The following TANC2 variants were observed in gnomAD, a reference collection of about 807,000 sequenced individuals.
TANC2 encodes the protein tetratricopeptide repeat, ankyrin repeat and coiled-coil containing 2.
TANC2 carries 26 observed loss-of-function variants against 210.5 expected under a neutral mutation model. The ratio of observed to expected loss-of-function variants is 0.12; its 90% CI spans 0.09 to 0.17. The LOEUF (loss-of-function observed/expected upper bound fraction) is 0.17. TANC2 is among the 10% of genes least tolerant of loss of function. TANC2 has a pLI of 1.00. For missense variants in TANC2, 2,129 were observed against 2,608.9 expected (o/e 0.82, Z 4.01); for synonymous variants, 931 against 967.1 (o/e 0.96, Z 0.69).
At chr17:63,063,376 G>C (rs1568355374) in intron 2 of TANC2, among the ~76,000 whole-genome samples, 1 of 152,134 alleles carries the variant, frequency 6.6e-6, no homozygotes, top group African/African-American at 2.4e-5. Flanking sequence ...ATGATGGGCT[G>C]AAAGTTCCTA....
intron 14 of TANC2, among the ~76,000 whole-genome samples, chr17:63,375,437 G>C (rs545287180): frequency 2.3e-4 from 35 of 152,282 alleles, no homozygotes; most frequent in Admixed American, 2.1e-3. Flanking sequence ...GAAAACACTA[G>C]GGTAAAGTCA....
At chr17:63,022,260 A>T (rs2034380586) in intron 2 of TANC2, among the ~76,000 whole-genome samples, 1 of 151,656 alleles carries the variant, frequency 6.6e-6, no homozygotes. Context: ...AGAATTGCTT[A>T]AACCCAGGAG....
At chr17:63,185,423 G>A (rs907469834) in intron 5 of TANC2, among the ~76,000 whole-genome samples, 3 of 152,138 alleles carry the variant, frequency 2.0e-5, no homozygotes, top group Admixed American at 6.5e-5. Context: ...GGGCTATGAT[G>A]AACAGTTTTA....
intron 4 of TANC2, among the ~76,000 whole-genome samples, chr17:63,139,383 A>G (rs899502409): frequency 2.6e-5 from 4 of 152,128 alleles, no homozygotes; most frequent in Non-Finnish European, 4.4e-5. Context: ...TCCCAGCACT[A>G]TGGGAGGCAG....
At chr17:63,165,075 A>G (rs2040166343) in intron 5 of TANC2, among the ~76,000 whole-genome samples, 1 of 151,996 alleles carries the variant, frequency 6.6e-6, no homozygotes, top group African/African-American at 2.4e-5. Flanking sequence ...TAAGGCCTGG[A>G]GTTTTGAGTC....
At position 63,412,838 on chromosome 17, in the gene TANC2, G is replaced by T. The variant is rs1471931627; in HGVS notation, c.3928+129G>T. 2 of 1,150,110 alleles carry T rather than the reference G, an allele frequency of 1.7e-6. No individual in the cohort carries two copies. The highest frequency in any genetic ancestry group is 6.2e-5 in the Admixed American group (2 of 32,346). The allele number at this position is 1,150,110 out of a possible 1,614,324, so 71.2% of individuals were successfully genotyped here. A position where few individuals can be genotyped will look rare whatever the true frequency, so the allele number is the denominator to read the frequency against. ...TTTAATTTACTTCACCTTAAAAGAA[G>T]ATTTTTTTTAATGACTGTTGTAGAG... On this transcript the variant is annotated intron_variant, in intron 24 of 27. Transcript: ENST00000689528. This position sits in a 1 kb window ranked among gnomAD's most constrained non-coding sequence, Gnocchi z 4.2.
intron 1 of TANC2, among the ~76,000 whole-genome samples, chr17:62,997,797 C>G (rs780102379): frequency 6.6e-6 from 1 of 152,074 alleles, no homozygotes; most frequent in African/African-American, 2.4e-5. Flanking sequence ...ACTTGTTTCT[C>G]AGACTGGAAA....
chr17:63,233,502 G>C (rs1261241421), intron 7 of TANC2, among the ~76,000 whole-genome samples: 3 of 152,214 alleles, frequency 2.0e-5, no homozygotes, highest in Non-Finnish European at 4.4e-5. Flanking sequence ...TCCTGAGTGG[G>C]CCATGGCTCC....
At chr17:63,035,631 A>G (rs2034940851) in intron 2 of TANC2, among the ~76,000 whole-genome samples, 1 of 152,178 alleles carries the variant, frequency 6.6e-6, no homozygotes, top group African/African-American at 2.4e-5. Flanking sequence ...GATTATTTCC[A>G]ATTTTAGGTG....
At chr17:63,194,714 A>T (rs2041286045) in intron 6 of TANC2, among the ~76,000 whole-genome samples, 1 of 152,072 alleles carries the variant, frequency 6.6e-6, no homozygotes, top group South Asian at 2.1e-4. Flanking sequence ...ATATTTTCTC[A>T]TTTTTTTGTG....
chr17:63,187,418 A>G (rs1159536833), intron 5 of TANC2, among the ~76,000 whole-genome samples: 1 of 152,222 alleles, frequency 6.6e-6, no homozygotes, highest in African/African-American at 2.4e-5. Context: ...TGGCATGTGC[A>G]ATTAACTAGA....
intron 2 of TANC2, among the ~76,000 whole-genome samples, chr17:63,058,784 T>C (rs565978124): frequency 5.3e-5 from 8 of 152,316 alleles, no homozygotes; most frequent in Admixed American, 5.2e-4. Flanking sequence ...GGTCTATGTG[T>C]CTGTTTTTGT....
chr17:63,403,564 G>A lies in TANC2; in HGVS notation c.3332-1558G>A, dbSNP rs191745903. On this transcript the variant is annotated intron_variant, in intron 19 of 27. Transcript: ENST00000689528. ...CAAGAGATAAAACTTCTTTGTCCAG[G>A]AAATAATTATAGCCATTAACACCTG... Among the ~76,000 whole-genome samples the A allele has an allele frequency of 3.6e-3, 546 of 152,252 alleles. 4 individuals carry two copies. Among genetic ancestry groups the A allele is most frequent in the South Asian group, 6.4e-3 (31 of 4,820 alleles).
At chr17:62,972,738 T>C (rs1346757637) in intron 1 of TANC2, among the ~76,000 whole-genome samples, 1 of 152,230 alleles carries the variant, frequency 6.6e-6, no homozygotes, top group Non-Finnish European at 1.5e-5. Flanking sequence ...GCCTCCTCTT[T>C]AGACTCATTG....
At chr17:62,986,683 C>G (rs910388413) in intron 1 of TANC2, among the ~76,000 whole-genome samples, 2 of 151,970 alleles carry the variant, frequency 1.3e-5, no homozygotes, top group African/African-American at 4.8e-5. Context: ...CTAGGGGTGG[C>G]CCACAGGGCT....
chr17:63,046,481 A>G (rs976999684), intron 2 of TANC2, among the ~76,000 whole-genome samples: 1 of 151,468 alleles, frequency 6.6e-6, no homozygotes, highest in African/African-American at 2.4e-5. Flanking sequence ...ACAGGCGCCC[A>G]CCACAATGCT....
At chr17:63,204,029 A>G (rs1330303887) in intron 7 of TANC2, among the ~76,000 whole-genome samples, 3 of 151,380 alleles carry the variant, frequency 2.0e-5, no homozygotes, top group Non-Finnish European at 4.4e-5. Context: ...AGTTGTGGCA[A>G]ATGTTAATGC....
chr17:63,173,903 G>A (rs571212935), intron 5 of TANC2, among the ~76,000 whole-genome samples: 4 of 152,286 alleles, frequency 2.6e-5, no homozygotes, highest in Admixed American at 6.5e-5. Context: ...GCATAGCACC[G>A]ATGGTAGTAA....
chr17:63,375,240 T>C (rs1396400072), intron 14 of TANC2, among the ~76,000 whole-genome samples: 3 of 152,216 alleles, frequency 2.0e-5, no homozygotes, highest in Non-Finnish European at 2.9e-5. Context: ...TTAGTAATAA[T>C]GTAGCATGCT....
Sources: gnomAD v4.1 joint callset for allele counts (sites outside exome capture counted in the v4.1 genomes callset) on GRCh38, gnomAD v4.1.1 for gene constraint, Gnocchi (gnomAD v3.1) non-coding constraint, MANE v1.5 for transcripts, NCBI Gene and HGNC (gene_info 2026-07-23, HGNC 2026-07-21) for gene names.